RGS12: variants seen among roughly 807,000 people sequenced by gnomAD.
The protein encoded by RGS12 is regulator of G-protein signaling 12.
Under a neutral mutation model 120.1 loss-of-function variants are expected in RGS12, and 66 were observed. The observed-to-expected ratio is 0.55, with a 90% CI of 0.45 to 0.67. The LOEUF (loss-of-function observed/expected upper bound fraction) is 0.67, where lower values mean the gene tolerates loss of function less well. Ranked by LOEUF, RGS12 falls within the 30% of genes least tolerant of loss-of-function variation. The pLI is 0.00. For synonymous variants in RGS12, 827 were observed against 804.7 expected, an observed-to-expected ratio of 1.03 and a Z score of -0.47; for missense variants, 1,859 against 1,957.7, an observed-to-expected ratio of 0.95 and a Z score of 0.95.
At chr4:3,396,018 T>A (rs1720014425) in intron 4 of RGS12, among the ~76,000 whole-genome samples, 2 of 152,222 alleles carry the variant, frequency 1.3e-5, no homozygotes, top group South Asian at 4.1e-4. Context: ...ACAATGTAAA[T>A]GGTATGTAAA....
intron 13 of RGS12, among the ~76,000 whole-genome samples, chr4:3,424,692 A>G (rs910239189): frequency 2.0e-5 from 3 of 152,176 alleles, no homozygotes; most frequent in African/African-American, 7.2e-5. Flanking sequence ...TGTGGGGGCT[A>G]TGGAGGATTC....
At chr4:3,353,754 A>C (rs1714607413) in intron 3 of RGS12, among the ~76,000 whole-genome samples, 1 of 152,030 alleles carries the variant, frequency 6.6e-6, no homozygotes, top group Non-Finnish European at 1.5e-5. Context: ...GGATCTGTGG[A>C]TCTGTTGTGA....
intron 2 of RGS12, among the ~76,000 whole-genome samples, chr4:3,332,217 G>C (rs1711935598): frequency 6.6e-6 from 1 of 152,214 alleles, no homozygotes; most frequent in Admixed American, 6.5e-5. Context: ...GGGCAAGGTG[G>C]CCGCCACATC....
intron 11 of RGS12, 51 bp downstream of exon 11, chr4:3,422,621 CT>C: frequency 6.4e-7 from 1 of 1,554,146 alleles, no homozygotes; most frequent in Non-Finnish European, 8.7e-7. Flanking sequence ...GACCTCCCCG[CT>C]CCCTGGCCCC....
chr4:3,439,435 T>C lies in RGS12; in HGVS notation c.4115-20T>C. ...AGGGCCGGGCCAGGCAAGTGACAGC[T>C]TCTCTTCTCCTTGTGACAGGAAGTG... On this transcript the variant is annotated intron_variant, in intron 17 of 17. Coordinates refer to ENST00000336727, the MANE Select transcript of RGS12 (RefSeq NM_001394154.1). The C allele has an allele frequency of 6.2e-7, 1 of 1,612,412 alleles. No individual in the cohort carries two copies.
chr4:3,341,237 CGGTGG>C (rs1713070209), intron 2 of RGS12, among the ~76,000 whole-genome samples: 1 of 25,234 alleles, frequency 4.0e-5, no homozygotes, highest in African/African-American at 1.9e-4. Flanking sequence ...GGGGTGTGTG[CGGTGG>C]GGAGGGGACA....
Position 3,343,283 on chromosome 4 carries a change from C to G in RGS12, c.1998+230C>G, listed in dbSNP as rs1309348434. The G allele has an allele frequency of 1.1e-4, 52 of 475,178 alleles. 1 individual carries two copies. In the Admixed American group the frequency reaches 1.7e-3, roughly 16 times the overall value. The allele number at this position is 475,178 out of a possible 1,614,324, so 29.4% of individuals were successfully genotyped here. On this transcript the variant is annotated intron_variant, in intron 3 of 17. Coordinates refer to ENST00000336727, the MANE Select transcript of RGS12 (RefSeq NM_001394154.1). ...GCTTTCTGGGGTGCTCTTCTGTGTG[C>G]CAGACTCCAGTGAACACTTCTAGAA... is the stretch of plus-strand genomic sequence containing the variant.
chr4:3,438,389 G>A (rs1030296517), intron 17 of RGS12, among the ~76,000 whole-genome samples: 1 of 151,680 alleles, frequency 6.6e-6, no homozygotes, highest in African/African-American at 2.4e-5. Context: ...GGGTCACTGG[G>A]CGGGTCGGCA....
intron 10 of RGS12, among the ~76,000 whole-genome samples, chr4:3,422,167 G>A (rs918095795): frequency 6.6e-6 from 1 of 152,210 alleles, no homozygotes; most frequent in Admixed American, 6.5e-5. Flanking sequence ...AATGATGACC[G>A]CTCTCTCGTG....
intron 2 of RGS12, among the ~76,000 whole-genome samples, chr4:3,330,738 G>A (rs2108733694): frequency 6.6e-6 from 1 of 152,334 alleles, no homozygotes; most frequent in African/African-American, 2.4e-5. Flanking sequence ...AAGAAGTATA[G>A]TTTGAGTAAA....
rs187319127 is a variant in RGS12 at position 3,378,169 on chromosome 4, G to A, written c.1999-8247G>A. 3 of 152,330 alleles carry A rather than the reference G, an allele frequency of 2.0e-5. No individual in the cohort carries two copies. The East Asian group carries it at 5.8e-4, about 29-fold the overall frequency. 9.4% of individuals were successfully genotyped at this position (152,330 alleles called of 1,614,324 possible). A position where few individuals can be genotyped will look rare whatever the true frequency, so the allele number is the denominator to read the frequency against. Reference sequence around the variant, plus strand: ...GCTTTAATGCATAAACATGTTTACAGTGGTCCACATGTGCCAGGAGATGTG... The same window carrying A: ...GCTTTAATGCATAAACATGTTTACAATGGTCCACATGTGCCAGGAGATGTG... On this transcript the variant is annotated intron_variant, in intron 3 of 17. Transcript: ENST00000336727.
intron 4 of RGS12, among the ~76,000 whole-genome samples, chr4:3,412,169 C>T (rs1020660984): frequency 1.3e-5 from 2 of 152,224 alleles, no homozygotes; most frequent in Non-Finnish European, 2.9e-5. Flanking sequence ...TCTAAATGCT[C>T]TTCGCACTTT....
At chr4:3,416,673 G>A (rs1218931297) in intron 7 of RGS12, among the ~76,000 whole-genome samples, 1 of 152,172 alleles carries the variant, frequency 6.6e-6, no homozygotes, top group Non-Finnish European at 1.5e-5. Flanking sequence ...TAAGTTGTCA[G>A]GATTCACTTA....
At chr4:3,411,297 T>C (rs1455538151) in intron 4 of RGS12, among the ~76,000 whole-genome samples, 1 of 138,136 alleles carries the variant, frequency 7.2e-6, no homozygotes, top group East Asian at 2.3e-4. Context: ...ACACCGATGC[T>C]GTCCCCTGCG....
chr4:3,430,602 C>T lies in RGS12; in HGVS notation c.3761C>T (p.Ala1254Val), dbSNP rs768201061. 1.4e-5 allele frequency: 22 copies of T among 1,611,732 alleles called. No individual in the cohort carries two copies. Among genetic ancestry groups the T allele is most frequent in the African/African-American group, 2.7e-5 (2 of 74,916 alleles). ...GCCACAGGCAACGGCCGGGAGAGCG[C>T]CTCCCAGCCTGGCGAGCAGTGGGAG... ...RSATGNGRES[A>V]SQPGEQWEPV... is the part of the protein sequence containing the mutation. Residue 1254 changes from alanine (A) to valine (V), a missense_variant, in exon 17 of 18, where the codon GCC (alanine) becomes GTC (valine). By Grantham distance (64) the Ala-to-Val change is moderately conservative (BLOSUM62 0). Coordinates refer to ENST00000336727, the MANE Select transcript of RGS12 (RefSeq NM_001394154.1).
intron 17 of RGS12, among the ~76,000 whole-genome samples, chr4:3,434,508 C>G (rs1724623723): frequency 6.6e-6 from 1 of 152,134 alleles, no homozygotes; most frequent in East Asian, 1.9e-4. Flanking sequence ...ATATCTGTGT[C>G]TCGACACAGG....
At chr4:3,379,785 C>T (rs1042825996) in intron 3 of RGS12, among the ~76,000 whole-genome samples, 6 of 152,176 alleles carry the variant, frequency 3.9e-5, no homozygotes, top group Non-Finnish European at 8.8e-5. Flanking sequence ...CCCCATGATT[C>T]AATTACCTCC....
chr4:3,290,768 CAGG>C (rs1388963704), upstream of RGS12, among the ~76,000 whole-genome samples: 50 of 152,370 alleles, frequency 3.3e-4, no homozygotes, highest in Admixed American at 3.3e-3. Context: ...GTGAAGCCTA[CAGG>C]AGGAGAACCA....
intron 17 of RGS12, among the ~76,000 whole-genome samples, chr4:3,438,672 C>T (rs1725042491): frequency 6.6e-6 from 1 of 152,136 alleles, no homozygotes; most frequent in African/African-American, 2.4e-5. Flanking sequence ...CAGTGACGCC[C>T]TGGGTAGGGA....
Sources: allele counts gnomAD v4.1 joint callset (sites outside exome capture counted in the v4.1 genomes callset), GRCh38; gene constraint gnomAD v4.1.1; transcripts MANE v1.5; gene names NCBI Gene and HGNC (gene_info 2026-07-23, HGNC 2026-07-21).